Variants in DENND2B observed in about 807,000 individuals in gnomAD.
DENND2B encodes DENN domain-containing protein 2B.
A neutral mutation model predicts 116.0 loss-of-function variants in DENND2B; 32 were observed. That is an observed-to-expected ratio of 0.28 (90% confidence interval 0.21 to 0.37). The LOEUF is 0.37. DENND2B is among the 10% of genes least tolerant of loss of function. The pLI is 1.00. For missense variants in DENND2B, 1,276 were observed against 1,477.7 expected, an observed-to-expected ratio of 0.86 and a Z score of 2.24; for synonymous variants, 588 against 583.9, an observed-to-expected ratio of 1.01 and a Z score of -0.10.
At chr11:8,720,999 T>C (rs2046067305) in intron 4 of DENND2B, among the ~76,000 whole-genome samples, 1 of 152,074 alleles carries the variant, frequency 6.6e-6, no homozygotes, top group Non-Finnish European at 1.5e-5. Context: ...CACACAGCTT[T>C]CTTGGGACAG....
chr11:8,711,263 G>A (rs1194200183), intron 9 of DENND2B, 32 bp from the exon 10 acceptor site: 3 of 1,600,488 alleles, frequency 1.9e-6, no homozygotes, highest in Non-Finnish European at 2.6e-6. Context: ...GAGATGACAT[G>A]GAACCTGAGG....
chr11:8,826,391 C>T (rs2061979912), intron 4 of DENND2B, among the ~76,000 whole-genome samples: 1 of 152,200 alleles, frequency 6.6e-6, no homozygotes, highest in South Asian at 2.1e-4. Context: ...TCTTTAACCT[C>T]CTATACTAAG....
chr11:8,704,860 G>C (rs1319109842), intron 13 of DENND2B, among the ~76,000 whole-genome samples: 1 of 151,902 alleles, frequency 6.6e-6, no homozygotes, highest in Non-Finnish European at 1.5e-5. Context: ...ACCACACCTG[G>C]CAATTTTTTT....
Position 8,750,696 on chromosome 11 carries a change from G to A in DENND2B, c.5C>T (p.Thr2Ile), listed in dbSNP as rs952261721. The A allele has an allele frequency of 6.2e-7, 1 of 1,614,140 alleles. No individual in the cohort carries two copies. The highest frequency in any genetic ancestry group is 1.7e-5 in the Admixed American group (1 of 60,010). The change falls in exon 2 of 20, where the codon ACC becomes ATC. Residue 2 changes from threonine to isoleucine, a missense_variant. Thr to Ile is a moderately conservative substitution (Grantham distance 89). Transcript: ENST00000313726. Reference sequence around the variant, plus strand: ...GCTGGAATTCTTGTTGGCAGTCATGGTCATTTCGGCTCTCTGCAAACCCAG... The same window carrying A: ...GCTGGAATTCTTGTTGGCAGTCATGATCATTTCGGCTCTCTGCAAACCCAG... Reference protein sequence around the residue: MTMTANKNSSIT... With the variant: MIMTANKNSSIT...
upstream of DENND2B, among the ~76,000 whole-genome samples, chr11:8,876,393 A>G (rs1210587243): frequency 6.6e-6 from 1 of 152,184 alleles, no homozygotes; most frequent in African/African-American, 2.4e-5. Flanking sequence ...TTTTTATAGT[A>G]GATTATATTT....
intron 2 of DENND2B, among the ~76,000 whole-genome samples, chr11:8,864,429 G>A (rs1219208209): frequency 1.3e-5 from 2 of 151,974 alleles, no homozygotes; most frequent in African/African-American, 2.4e-5. Context: ...CGCCACGCTC[G>A]GCTAATTTTT....
At chr11:8,759,748 T>A (rs1018171355) in intron 1 of DENND2B, among the ~76,000 whole-genome samples, 5 of 152,112 alleles carry the variant, frequency 3.3e-5, no homozygotes, top group Non-Finnish European at 5.9e-5. Context: ...CCAGCAAACA[T>A]CTCCTCAGAC....
chr11:8,715,727 C>T lies in DENND2B; in HGVS notation c.1721G>A (p.Ser574Asn), dbSNP rs1052002918. 39 of 1,614,142 alleles carry T rather than the reference C, an allele frequency of 2.4e-5. No homozygotes were observed. The highest frequency in any genetic ancestry group is 3.3e-5 in the Non-Finnish European group (39 of 1,180,050). Residue 574 changes from serine (S) to asparagine (N), a missense_variant, in exon 6 of 20, where the codon AGC (serine) becomes AAC (asparagine). Around this residue, in one of 2 missense-constraint regions of DENND2B, gnomAD observed 856 missense variants for 846.6 expected, o/e 1.01. Coordinates refer to ENST00000313726, the MANE Select transcript of DENND2B (RefSeq NM_213618.2). ...AGCCAGCAGCAGCATGTCGTCATGG[C>T]TGTGCCTCTTGGGTAATCGTGGCAG... ...HRLPRLPKRH[S>N]HDDMLLLAQL...
chr11:8,807,801 C>T (rs1218448561), intron 1 of DENND2B: 1 of 152,184 alleles, frequency 6.6e-6, no homozygotes, highest in Non-Finnish European at 1.5e-5. Flanking sequence ...TGTGACATGA[C>T]TCAACTAGAA....
At chr11:8,700,088 G>T in intron 14 of DENND2B, 1 of 447,906 alleles carries the variant, frequency 2.2e-6, no homozygotes, top group Non-Finnish European at 4.5e-6. Context: ...GTGGCAAAGA[G>T]GAAGCTCAGC....
chr11:8,820,839 T>A (rs2061732703), intron 4 of DENND2B, among the ~76,000 whole-genome samples: 1 of 152,170 alleles, frequency 6.6e-6, no homozygotes, highest in Non-Finnish European at 1.5e-5. Flanking sequence ...GAGATGACTA[T>A]GGCTGGGTGC....
intron 3 of DENND2B, among the ~76,000 whole-genome samples, chr11:8,848,081 G>A (rs1474707626): frequency 6.6e-6 from 1 of 152,178 alleles, no homozygotes; most frequent in South Asian, 2.1e-4. Flanking sequence ...AAACTCAGCA[G>A]GCTGAGAAGA....
chr11:8,849,471 C>A (rs575354298), intron 3 of DENND2B, among the ~76,000 whole-genome samples: 1 of 111,148 alleles, frequency 9.0e-6, no homozygotes, highest in Non-Finnish European at 1.7e-5. Flanking sequence ...CCAGCCTGGG[C>A]GACAGAGCTA....
At chr11:8,837,988 G>T (rs2062494504) in intron 4 of DENND2B, among the ~76,000 whole-genome samples, 1 of 152,264 alleles carries the variant, frequency 6.6e-6, no homozygotes. Flanking sequence ...TCCCAAGGGT[G>T]ACAGCAAACA....
At chr11:8,848,690 A>G (rs2062894155) in intron 3 of DENND2B, among the ~76,000 whole-genome samples, 1 of 152,250 alleles carries the variant, frequency 6.6e-6, no homozygotes. Context: ...ATAATATTTG[A>G]AGCAGATTAA....
At chr11:8,735,513 T>C (rs137905599) in intron 2 of DENND2B, among the ~76,000 whole-genome samples, 19 of 152,348 alleles carry the variant, frequency 1.2e-4, no homozygotes, top group Non-Finnish European at 1.8e-4. Flanking sequence ...AAGATGCAGG[T>C]GGGAAAGGCC....
intron 1 of DENND2B, among the ~76,000 whole-genome samples, chr11:8,756,590 T>A (rs571483637): frequency 6.6e-6 from 1 of 152,308 alleles, no homozygotes; most frequent in South Asian, 2.1e-4. Flanking sequence ...AACTGCTCTC[T>A]CTGGGCCAGG....
chr11:8,891,701 T>C (rs566381923), intron 1 of DENND2B, among the ~76,000 whole-genome samples: 2 of 152,180 alleles, frequency 1.3e-5, no homozygotes, highest in Non-Finnish European at 2.9e-5. Flanking sequence ...CTATCCTAAA[T>C]ATATATGCAC....
At chr11:8,814,279 T>TTTTTC, upstream of DENND2B, among the ~76,000 whole-genome samples, 1 of 149,762 alleles carries the variant, frequency 6.7e-6, no homozygotes, top group Non-Finnish European at 1.5e-5. Context: ...TTTTTTTTTT[T>TTTTTC]TTTTTTAACA....
Sources: allele counts gnomAD v4.1 joint callset (sites outside exome capture counted in the v4.1 genomes callset), GRCh38; gene constraint gnomAD v4.1.1; regional missense constraint gnomAD v4.1.1; transcripts MANE v1.5; gene names NCBI Gene and HGNC (gene_info 2026-07-23, HGNC 2026-07-21).